Variants in RPS6KC1 observed in about 807,000 individuals in gnomAD.
The protein encoded by RPS6KC1 is ribosomal protein S6 kinase C1, also known as inactive ribosomal protein S6 kinase delta-1.
In RPS6KC1, 54 loss-of-function variants were observed where a neutral mutation model predicts 103.8. That is an observed-to-expected ratio of 0.52 (90% CI 0.42 to 0.65). The LOEUF (loss-of-function observed/expected upper bound fraction) is 0.65. RPS6KC1 is among the 30% of genes least tolerant of loss of function. The probability of loss-of-function intolerance (pLI) is 0.00; values close to 1 mark genes in which losing one functional copy is unlikely to be tolerated. For synonymous variants in RPS6KC1, 439 were observed against 438.7 expected, an observed-to-expected ratio of 1.00 and a Z score of -0.01; for missense variants, 1,151 against 1,253.8, an observed-to-expected ratio of 0.92 and a Z score of 1.24.
intron 1 of RPS6KC1, among the ~76,000 whole-genome samples, chr1:213,070,738 A>G (rs1211701157): frequency 2.0e-5 from 3 of 152,166 alleles, no homozygotes; most frequent in Admixed American, 2.0e-4. Flanking sequence ...TTACATATCT[A>G]TTTCTCTTTC....
At position 213,232,191 on chromosome 1, in the gene RPS6KC1, G is replaced by T. The variant is rs1469368781; in HGVS notation, c.1161G>T (p.Met387Ile). Reference sequence around the variant, plus strand: ...TCATCCCCCGCTGTGTGCCCAACATGGTGTGTCTGCATAAGTACATCATCT... The same window carrying T: ...TCATCCCCCGCTGTGTGCCCAACATTGTGTGTCTGCATAAGTACATCATCT... The part of the protein sequence containing the change: ...KTIIPRCVPN[M>I]VCLHKYIISE... The change falls in exon 10 of 15, where the codon ATG (methionine) becomes ATT (isoleucine). Residue 387 changes from methionine to isoleucine, a missense_variant. Met to Ile is a conservative substitution (Grantham distance 10). This residue lies in a region of RPS6KC1 where 959 missense variants were observed against 1,006.3 expected (regional missense o/e 0.95). Transcript: ENST00000366960. 1 of 1,613,916 alleles carries T rather than the reference G, an allele frequency of 6.2e-7. No homozygotes were observed. Among genetic ancestry groups the T allele is most frequent in the Non-Finnish European group, 8.5e-7 (1 of 1,179,930 alleles).
At chr1:213,207,068 C>T (rs1171764226) in intron 8 of RPS6KC1, among the ~76,000 whole-genome samples, 1 of 152,196 alleles carries the variant, frequency 6.6e-6, no homozygotes, top group African/African-American at 2.4e-5. Flanking sequence ...GAGGTCACAA[C>T]ACTGCAATCC....
the RPS6KC1 span, among the ~76,000 whole-genome samples, chr1:213,344,540 CT>C: frequency 4.4e-4 from 64 of 146,024 alleles, no homozygotes; most frequent in Admixed American, 8.2e-4. Context: ...ACTTATTGTG[CT>C]TTTTTTTTTT....
the RPS6KC1 span, among the ~76,000 whole-genome samples, chr1:213,470,335 G>T: frequency 6.6e-6 from 1 of 152,216 alleles, no homozygotes; most frequent in African/African-American, 2.4e-5. Flanking sequence ...TTTTCTGCAT[G>T]CAAAATTATG....
chr1:213,240,783 C>G lies in RPS6KC1; in HGVS notation c.1307C>G (p.Pro436Arg), dbSNP rs779779960. Residue 436 changes from proline (P) to arginine (R), a missense_variant, in exon 11 of 15, where the codon CCT becomes CGT. Coordinates refer to ENST00000366960, the MANE Select transcript of RPS6KC1 (RefSeq NM_012424.6). Reference protein sequence around the residue: ...ESFDIKEVKKPTLAKVHLQQP... With the variant: ...ESFDIKEVKKRTLAKVHLQQP... ...TTTGACATCAAGGAAGTGAAAAAAC[C>G]TACACTTGCAAAAGTTCACCTGCAG... 3.1e-6 allele frequency: 5 copies of G among 1,613,688 alleles called. No homozygotes were observed. In the South Asian group the frequency reaches 3.3e-5, roughly 11 times the overall value.
chr1:213,653,972 A>G, the RPS6KC1 span, among the ~76,000 whole-genome samples: 32,190 of 152,122 alleles, frequency 0.21, 4,670 homozygotes, highest in African/African-American at 0.42. Flanking sequence ...TCAGGACTTG[A>G]GGTCATGTCT....
At chr1:213,116,921 T>C (rs1008976078) in intron 4 of RPS6KC1, among the ~76,000 whole-genome samples, 3 of 152,234 alleles carry the variant, frequency 2.0e-5, no homozygotes, top group Non-Finnish European at 2.9e-5. Flanking sequence ...CAGAGAGATC[T>C]GCTGTTAGTC....
chr1:213,406,241 C>T, the RPS6KC1 span, among the ~76,000 whole-genome samples: 1 of 152,172 alleles, frequency 6.6e-6, no homozygotes, highest in Admixed American at 6.5e-5. Flanking sequence ...GGGATGCGAC[C>T]CTGAGATGCT....
the RPS6KC1 span, among the ~76,000 whole-genome samples, chr1:213,522,564 G>T: frequency 1.3e-5 from 2 of 152,202 alleles, no homozygotes; most frequent in African/African-American, 2.4e-5. Context: ...TCCAATAGAA[G>T]GCTGTCTTAT....
chr1:213,556,262 G>A, the RPS6KC1 span, among the ~76,000 whole-genome samples: 1 of 151,982 alleles, frequency 6.6e-6, no homozygotes, highest in Non-Finnish European at 1.5e-5. Flanking sequence ...AGGCAGACTG[G>A]GATCAAAAAA....
the RPS6KC1 span, among the ~76,000 whole-genome samples, chr1:213,339,432 G>C: frequency 6.6e-6 from 1 of 152,174 alleles, no homozygotes; most frequent in East Asian, 1.9e-4. Flanking sequence ...AGCTGAGCCT[G>C]GTCCAAATTG....
chr1:213,416,893 C>G, the RPS6KC1 span, among the ~76,000 whole-genome samples: 1 of 152,198 alleles, frequency 6.6e-6, no homozygotes, highest in Non-Finnish European at 1.5e-5. Flanking sequence ...TCACTCACCT[C>G]CCCTGGCTTA....
intron 8 of RPS6KC1, among the ~76,000 whole-genome samples, chr1:213,225,937 A>C (rs1369599394): frequency 6.6e-6 from 1 of 151,642 alleles, no homozygotes; most frequent in Non-Finnish European, 1.5e-5. Flanking sequence ...GTCACACCTC[A>C]TGTAAGCTGG....
intron 6 of RPS6KC1, among the ~76,000 whole-genome samples, chr1:213,132,790 A>G (rs1057072630): frequency 2.0e-5 from 3 of 152,206 alleles, no homozygotes; most frequent in Admixed American, 1.3e-4. Flanking sequence ...ATTTCTGGAT[A>G]TCTGATAATA....
At chr1:213,418,283 A>G in the RPS6KC1 span, among the ~76,000 whole-genome samples, 1 of 152,194 alleles carries the variant, frequency 6.6e-6, no homozygotes, top group Non-Finnish European at 1.5e-5. Context: ...GGTCGTGTGT[A>G]ACACAGTGCT....
At chr1:213,284,910 A>G in the RPS6KC1 span, among the ~76,000 whole-genome samples, 1 of 152,244 alleles carries the variant, frequency 6.6e-6, no homozygotes, top group African/African-American at 2.4e-5. Context: ...GCAAAAGTAA[A>G]AGAACATTTA....
chr1:213,562,375 T>TG, the RPS6KC1 span, among the ~76,000 whole-genome samples: 2 of 30,370 alleles, frequency 6.6e-5, no homozygotes. Context: ...TTTTTTTTTT[T>TG]TTTTTTTTTT....
At chr1:213,102,288 A>G (rs893620234) in intron 3 of RPS6KC1, among the ~76,000 whole-genome samples, 6 of 152,100 alleles carry the variant, frequency 3.9e-5, no homozygotes, top group African/African-American at 1.2e-4. Context: ...TAGTCTCGCT[A>G]TGTTGCCCAG....
At chr1:213,751,173 C>T in the RPS6KC1 span, among the ~76,000 whole-genome samples, 1 of 152,046 alleles carries the variant, frequency 6.6e-6, no homozygotes, top group African/African-American at 2.4e-5. Flanking sequence ...GCCCAAAGTG[C>T]CTGTGGTGGT....
Sources: allele counts gnomAD v4.1 joint callset (sites outside exome capture counted in the v4.1 genomes callset), GRCh38; gene constraint gnomAD v4.1.1; regional missense constraint gnomAD v4.1.1; transcripts MANE v1.5; gene names NCBI Gene and HGNC (gene_info 2026-07-23, HGNC 2026-07-21).